STOML2: variants seen among roughly 807,000 people sequenced by gnomAD.
The protein encoded by STOML2 is stomatin like 2.
Under a neutral mutation model 45.7 loss-of-function variants are expected in STOML2, and 22 were observed. The ratio of observed to expected loss-of-function variants is 0.48; its 90% CI spans 0.34 to 0.69. The LOEUF (loss-of-function observed/expected upper bound fraction) is 0.69. STOML2 is among the 30% of genes least tolerant of loss of function. STOML2 has a pLI of 0.01. For missense variants in STOML2, 359 were observed against 466.9 expected, an observed-to-expected ratio of 0.77 and a Z score of 2.13; for synonymous variants, 181 against 182.7, an observed-to-expected ratio of 0.99 and a Z score of 0.08.
rs1829832055 is a variant in STOML2 at position 35,102,147 on chromosome 9, C to G, written c.231G>C (p.Gln77His). 6.2e-7 allele frequency: 1 copy of G among 1,613,834 alleles called. No homozygotes were observed. Among genetic ancestry groups the G allele is most frequent in the Admixed American group, 1.7e-5 (1 of 59,968 alleles). Residue 77 changes from glutamine to histidine, a missense_variant, in exon 3 of 10, where the codon CAG becomes CAC. By Grantham distance (24) the Gln-to-His change is conservative (BLOSUM62 0). Transcript: ENST00000356493. This position sits in a 1 kb window ranked among gnomAD's most constrained non-coding sequence, Gnocchi z 4.8. ...IPVLDRIRYV[Q>H]SLKEIVINVP... is the part of the protein sequence containing the mutation. ...CGTTGATGACAATTTCCTTGAGACT[C>G]TGCACATATCGGATCCGGTCTAACA... is the stretch of plus-strand genomic sequence containing the variant.
intron 8 of STOML2, 56 bp from the exon 9 acceptor site, chr9:35,100,782 G>A: frequency 1.9e-6 from 3 of 1,613,348 alleles, no homozygotes; most frequent in Admixed American, 1.7e-5. Context: ...AGAAGGGGGG[G>A]ATGGGGAATG....
chr9:35,102,784 A>C lies in STOML2; in HGVS notation c.85T>G (p.Ser29Ala). 6.2e-7 allele frequency: 1 copy of C among 1,614,060 alleles called. No homozygotes were observed. ...ACGGTGTTTCGGGGCAATCCAGAGGAGGCGCGGCGCGGAGCGCGGCCAGAA... is the reference window on the plus strand; with the variant it reads ...ACGGTGTTTCGGGGCAATCCAGAGGCGGCGCGGCGCGGAGCGCGGCCAGAA... ...LASGRAPRRA[S>A]SGLPRNTVVL... Residue 29 changes from serine to alanine, a missense_variant, in exon 2 of 10, where the codon TCC becomes GCC. Coordinates refer to ENST00000356493, the MANE Select transcript of STOML2 (RefSeq NM_013442.3). This position sits in a 1 kb window ranked among gnomAD's most constrained non-coding sequence, Gnocchi z 4.8.
chr9:35,102,229 G>C lies in STOML2; in HGVS notation c.184-35C>G. 1 of 1,589,472 alleles carries C rather than the reference G, an allele frequency of 6.3e-7. No individual in the cohort carries two copies. Among genetic ancestry groups the C allele is most frequent in the Non-Finnish European group, 8.6e-7 (1 of 1,159,288 alleles). ...GGAGTCATGGGTCCTCAGAAGGCTG[G>C]GAACTATTGGGTTGGGACCTAAGCT... On this transcript the variant is annotated intron_variant, in intron 2 of 9. Transcript: ENST00000356493. The surrounding 1 kb of genome is among the most constrained non-coding windows in gnomAD (Gnocchi z 4.8).
rs1829836179 is a variant in STOML2, at chr9:35,102,299, A to G, written c.184-105T>C. ...AGTCAACACATGGAACATGCCCAGA[A>G]AAGCAGCAGCTCCTACCAAGAAATA... On this transcript the variant is annotated intron_variant, in intron 2 of 9. Coordinates refer to ENST00000356493, the MANE Select transcript of STOML2 (RefSeq NM_013442.3). The surrounding 1 kb of genome is among the most constrained non-coding windows in gnomAD (Gnocchi z 4.8). 2.1e-6 allele frequency: 2 copies of G among 950,968 alleles called. No homozygotes were observed. The highest frequency in any genetic ancestry group is 1.6e-5 in the South Asian group (1 of 63,400). 58.9% of individuals were successfully genotyped at this position (950,968 alleles called of 1,614,324 possible).
At position 35,101,622 on chromosome 9, in the gene STOML2, G is replaced by C; in HGVS notation, c.445-62C>G. ...ACCTATCAAGGGCCTACACTGAGAA[G>C]GGCCTGGGACTGATCTTGACCTTCA... On this transcript the variant is annotated intron_variant, in intron 5 of 9. Coordinates refer to ENST00000356493, the MANE Select transcript of STOML2 (RefSeq NM_013442.3). This position sits in a 1 kb window ranked among gnomAD's most constrained non-coding sequence, Gnocchi z 4.3. The C allele has an allele frequency of 6.2e-7, 1 of 1,613,908 alleles. No individual in the cohort carries two copies. The highest frequency in any genetic ancestry group is 8.5e-7 in the Non-Finnish European group (1 of 1,179,980).
At position 35,100,607 on chromosome 9, in the gene STOML2, C is replaced by G. The variant is rs1829795428; in HGVS notation, c.924G>C (p.Met308Ile). ...LPSNPGDVTS[M>I]VAQAMGVYGA... ...CTCAGAGAGCTCTAACCTGAGCCAC[C>G]ATGCTGGTGACATCGCCAGGGTTGG... Residue 308 changes from methionine (M) to isoleucine (I), a missense_variant, in exon 9 of 10, where the codon ATG (methionine) becomes ATC (isoleucine). By Grantham distance (10) the Met-to-Ile change is conservative. Transcript: ENST00000356493. The G allele has an allele frequency of 3.7e-6, 6 of 1,613,782 alleles. No homozygotes were observed. The highest frequency in any genetic ancestry group is 4.2e-6 in the Non-Finnish European group (5 of 1,179,992).
Position 35,100,961 on chromosome 9 carries a change from G to T in STOML2, c.775C>A (p.Arg259=), listed in dbSNP as rs979115165. Reference sequence around the variant, plus strand: ...TGTGTCAGAGCTGCAGCCAGGATTCGAATAGCTTCAGCTTTAGCCTTGGCC... The same window carrying T: ...TGTGTCAGAGCTGCAGCCAGGATTCTAATAGCTTCAGCTTTAGCCTTGGCC... ...AKAKAKAEAI[R]ILAAALTQHN... Residue 259 remains arginine, a synonymous_variant, in exon 8 of 10, where the codon CGA becomes AGA. Coordinates refer to ENST00000356493, the MANE Select transcript of STOML2 (RefSeq NM_013442.3). 2.5e-6 allele frequency: 4 copies of T among 1,614,082 alleles called. No individual in the cohort carries two copies. Among genetic ancestry groups the T allele is most frequent in the Admixed American group, 3.3e-5 (2 of 60,002 alleles).
chr9:35,100,224 C>T (rs1587188976), intron 9 of STOML2, 52 bp from the exon 10 acceptor site: 1 of 1,596,976 alleles, frequency 6.3e-7, no homozygotes, highest in Non-Finnish European at 8.6e-7. Flanking sequence ...AGAGGTGCAG[C>T]CCAGCCTACC....
In STOML2 at chr9:35,102,858, C is replaced by T; in HGVS notation, c.46-35G>A. ...AGAAGAGGGTGAGCAGAGATCCCAT[C>T]TGGCCAGACACGCCGCCCCTCGGTC... On this transcript the variant is annotated intron_variant, in intron 1 of 9. Coordinates refer to ENST00000356493, the MANE Select transcript of STOML2 (RefSeq NM_013442.3). The surrounding 1 kb of genome is among the most constrained non-coding windows in gnomAD (Gnocchi z 4.8). 1 of 1,607,904 alleles carries T rather than the reference C, an allele frequency of 6.2e-7. No individual in the cohort carries two copies. Among genetic ancestry groups the T allele is most frequent in the Non-Finnish European group, 8.5e-7 (1 of 1,176,318 alleles).
At position 35,101,045 on chromosome 9, in the gene STOML2, T is replaced by G. The variant is rs1829805558; in HGVS notation, c.725-34A>C. The stretch of plus-strand genomic sequence containing the variant: ...GAAGGGACAGAGCTTGCTTGACCCA[T>G]GAAGTCAAAGTACCCCAAAGATCCT... On this transcript the variant is annotated intron_variant, in intron 7 of 9. Transcript: ENST00000356493. This position sits in a 1 kb window ranked among gnomAD's most constrained non-coding sequence, Gnocchi z 4.3. 3 of 1,612,420 alleles carry G rather than the reference T, an allele frequency of 1.9e-6. No homozygotes were observed. Among genetic ancestry groups the G allele is most frequent in the South Asian group, 1.1e-5 (1 of 91,004 alleles).
rs995125025 is a variant in STOML2, at chr9:35,102,539, T to TGGTCA, written c.183+142_183+146dup. ...GGAAAAGGTGGTAACATGGGGATGA[T>TGGTCA]GGTCAGCAGCCTGGGCCCTGTCAGG... On this transcript the variant is annotated intron_variant, in intron 2 of 9. Coordinates refer to ENST00000356493, the MANE Select transcript of STOML2 (RefSeq NM_013442.3). The surrounding 1 kb of genome is among the most constrained non-coding windows in gnomAD (Gnocchi z 4.8). 3 of 1,335,936 alleles carry TGGTCA rather than the reference T, an allele frequency of 2.2e-6. No individual in the cohort carries two copies. In the African/African-American group the frequency reaches 4.4e-5, roughly 20 times the overall value. The allele number at this position is 1,335,936 out of a possible 1,614,324, so 82.8% of individuals were successfully genotyped here.
chr9:35,100,911 T>G (rs762687091), intron 8 of STOML2, 21 bp downstream of exon 8: 1 of 1,614,040 alleles, frequency 6.2e-7, no homozygotes. Flanking sequence ...CTGTCCCCAT[T>G]CCCACCCAGG....
Position 35,102,260 on chromosome 9 carries a change from T to G in STOML2, c.184-66A>C. 1 of 1,402,584 alleles carries G rather than the reference T, an allele frequency of 7.1e-7. No homozygotes were observed. Among genetic ancestry groups the G allele is most frequent in the Non-Finnish European group, 1.0e-6 (1 of 999,322 alleles). 86.9% of individuals were successfully genotyped at this position (1,402,584 alleles called of 1,614,324 possible). On this transcript the variant is annotated intron_variant, in intron 2 of 9. Coordinates refer to ENST00000356493, the MANE Select transcript of STOML2 (RefSeq NM_013442.3). The surrounding 1 kb of genome is among the most constrained non-coding windows in gnomAD (Gnocchi z 4.8). The stretch of plus-strand genomic sequence containing the variant: ...ATTGGGTTGGGACCTAAGCTAGTCC[T>G]GGAGTATGTAGGGAGTCAACACATG...
Position 35,102,591 on chromosome 9 carries a change from A to T in STOML2, c.183+95T>A. On this transcript the variant is annotated intron_variant, in intron 2 of 9. Transcript: ENST00000356493. The surrounding 1 kb of genome is among the most constrained non-coding windows in gnomAD (Gnocchi z 4.8). Reference sequence around the variant, plus strand: ...CTGGCCTACAGAGTCGGGAGCTAACAGTGCGGGCAGGCCCAAAGGAAGTCC... The same window carrying T: ...CTGGCCTACAGAGTCGGGAGCTAACTGTGCGGGCAGGCCCAAAGGAAGTCC... 6.5e-7 allele frequency: 1 copy of T among 1,545,114 alleles called. No homozygotes were observed. Among genetic ancestry groups the T allele is most frequent in the Non-Finnish European group, 8.7e-7 (1 of 1,148,118 alleles).
rs745910436 is a variant in STOML2 at position 35,101,924 on chromosome 9, G to A, written c.322C>T (p.Arg108Cys). 6.2e-6 allele frequency: 10 copies of A among 1,613,990 alleles called. No homozygotes were observed. The highest frequency in any genetic ancestry group is 4.5e-5 in the East Asian group (2 of 44,882). The change falls in exon 4 of 10, where the codon CGC becomes TGC. Residue 108 changes from arginine to cysteine, a missense_variant. Around this residue, in one of 2 missense-constraint regions of STOML2, gnomAD observed 285 missense variants for 422.0 expected, o/e 0.68. Transcript: ENST00000356493. The surrounding 1 kb of genome is among the most constrained non-coding windows in gnomAD (Gnocchi z 4.3). ...TLQIDGVLYLRIMDPYKASYG... is the reference protein window; with the variant it reads ...TLQIDGVLYLCIMDPYKASYG... ...GGTACCTTGTAAGGGTCCATGATGC[G>A]CAGGTAAAGGACTCCATCGATTTGC...
rs957772089 is a variant in STOML2 at position 35,100,236 on chromosome 9, A to G, written c.934-64T>C. 6.9e-6 allele frequency: 11 copies of G among 1,586,724 alleles called. No homozygotes were observed. The East Asian group carries it at 9.0e-5, about 13-fold the overall frequency. The stretch of plus-strand genomic sequence containing the variant: ...GACAGAGGTGCAGCCCAGCCTACCA[A>G]TGGCTAAACGGGAAAAGATGGCATG... On this transcript the variant is annotated intron_variant, in intron 9 of 9. Transcript: ENST00000356493.
rs752186895 is a variant in STOML2 at position 35,102,012 on chromosome 9, C to A, written c.284-50G>T. ...GGAAAGTCAGGCCTCTAGGTCCCAACCAGTTCTTTCTACTAAGCTCTGGAT... is the reference window on the plus strand; with the variant it reads ...GGAAAGTCAGGCCTCTAGGTCCCAAACAGTTCTTTCTACTAAGCTCTGGAT... On this transcript the variant is annotated intron_variant, in intron 3 of 9. Transcript: ENST00000356493. The surrounding 1 kb of genome is among the most constrained non-coding windows in gnomAD (Gnocchi z 4.8). 3 of 1,613,450 alleles carry A rather than the reference C, an allele frequency of 1.9e-6. No individual in the cohort carries two copies. The highest frequency in any genetic ancestry group is 4.5e-5 in the East Asian group (2 of 44,882).
In STOML2 at chr9:35,101,552, C is replaced by G. The variant is rs768596460; in HGVS notation, c.453G>C (p.Glu151Asp). Reference protein sequence around the residue: ...LSLDKVFRERESLNASIVDAI... With the variant: ...LSLDKVFRERDSLNASIVDAI... ...CATCCACAATGCTGGCATTCAGGGACTCCCGTTCCTGGAAAAAGAGGTGTA... is the reference window on the plus strand; with the variant it reads ...CATCCACAATGCTGGCATTCAGGGAGTCCCGTTCCTGGAAAAAGAGGTGTA... The change falls in exon 6 of 10, where the codon GAG (glutamate) becomes GAC (aspartate). Residue 151 changes from glutamate (E) to aspartate (D), a missense_variant. Transcript: ENST00000356493. This position sits in a 1 kb window ranked among gnomAD's most constrained non-coding sequence, Gnocchi z 4.3. 1 of 1,614,012 alleles carries G rather than the reference C, an allele frequency of 6.2e-7. No individual in the cohort carries two copies.
Position 35,101,966 on chromosome 9 carries a change from T to G in STOML2, c.284-4A>C. 1 of 1,614,118 alleles carries G rather than the reference T, an allele frequency of 6.2e-7. No individual in the cohort carries two copies. The stretch of plus-strand genomic sequence containing the variant: ...TCGATTTGCAGAGTTACATTGTCTG[T>G]AGAACCAGGAGAGAAAACGGGGAAA... On this transcript the variant is annotated splice_polypyrimidine_tract_variant and splice_region_variant and intron_variant, in intron 3 of 9. Transcript: ENST00000356493. The surrounding 1 kb of genome is among the most constrained non-coding windows in gnomAD (Gnocchi z 4.3).
Sources: gnomAD v4.1 joint callset for allele counts on GRCh38, gnomAD v4.1.1 for gene constraint, gnomAD v4.1.1 regional missense constraint, Gnocchi (gnomAD v3.1) non-coding constraint, MANE v1.5 for transcripts, NCBI Gene and HGNC (gene_info 2026-07-23, HGNC 2026-07-21) for gene names.